The following PLEKHH1 variants were observed in gnomAD, a reference collection of about 807,000 sequenced individuals.
PLEKHH1 encodes pleckstrin homology, MyTH4 and FERM domain containing H1, also known as pleckstrin homology domain-containing family H member 1.
Under a neutral mutation model 160.0 loss-of-function variants are expected in PLEKHH1, and 104 were observed. The ratio of observed to expected loss-of-function variants is 0.65; its 90% CI spans 0.55 to 0.76. PLEKHH1 has a LOEUF of 0.76. Among genes scored for constraint, PLEKHH1 ranks in the 30% least tolerant of loss-of-function variants. The probability of loss-of-function intolerance (pLI) is 0.00; values close to 1 mark genes in which losing one functional copy is unlikely to be tolerated. For synonymous variants in PLEKHH1, 619 were observed against 678.4 expected, an observed-to-expected ratio of 0.91 and a Z score of 1.36; for missense variants, 1,427 against 1,724.1, an observed-to-expected ratio of 0.83 and a Z score of 3.05.
rs751718827 is a variant in PLEKHH1 at position 67,572,260 on chromosome 14, G to C, written c.1711G>C (p.Gly571Arg). The C allele has an allele frequency of 1.2e-6, 2 of 1,602,994 alleles. No individual in the cohort carries two copies. The highest frequency in any genetic ancestry group is 2.2e-5 in the East Asian group (1 of 44,496). ...GCGCACCTCATCCTACTCCACCGACGGGCTGGGCCTGGGCGGGGTGAGCCG... is the reference window on the plus strand; with the variant it reads ...GCGCACCTCATCCTACTCCACCGACCGGCTGGGCCTGGGCGGGGTGAGCCG... ...LQRTSSYSTDGLGLGGESLEK... is the reference protein window; with the variant it reads ...LQRTSSYSTDRLGLGGESLEK... The change falls in exon 11 of 29, where the codon GGG becomes CGG. Residue 571 changes from glycine to arginine, a missense_variant. This residue lies in a region of PLEKHH1 where 831 missense variants were observed against 929.2 expected (regional missense o/e 0.89). Coordinates refer to ENST00000329153, the MANE Select transcript of PLEKHH1 (RefSeq NM_020715.3).
chr14:67,579,816 C>T lies in PLEKHH1; in HGVS notation c.3123C>T (p.Ala1041=). Residue 1041 remains alanine (A), a synonymous_variant, in exon 22 of 29, where the codon GCC becomes GCT. Coordinates refer to ENST00000329153, the MANE Select transcript of PLEKHH1 (RefSeq NM_020715.3). The stretch of plus-strand genomic sequence containing the variant: ...GAAAGCCATCCCACTCTGGCTTTGC[C>T]CTCTTCACGGACGATCCCTCGGGCA... ...GMRKPSHSGF[A]LFTDDPSGRD... 6.2e-7 allele frequency: 1 copy of T among 1,610,148 alleles called. No individual in the cohort carries two copies. The highest frequency in any genetic ancestry group is 8.5e-7 in the Non-Finnish European group (1 of 1,178,288).
rs117185632 is a variant in PLEKHH1, at chr14:67,573,181, C to A, written c.1729-95C>A. The stretch of plus-strand genomic sequence containing the variant: ...AATAATTTTGTATTTAATTGATGAC[C>A]GAGTAGTGAGGCAGCTGGACCACTT... On this transcript the variant is annotated intron_variant, in intron 11 of 28. Coordinates refer to ENST00000329153, the MANE Select transcript of PLEKHH1 (RefSeq NM_020715.3). The surrounding 1 kb of genome is among the most constrained non-coding windows in gnomAD (Gnocchi z 4.8). The A allele has an allele frequency of 2.7e-6, 2 of 736,434 alleles. No homozygotes were observed. Among genetic ancestry groups the A allele is most frequent in the East Asian group, 2.5e-5 (1 of 39,540 alleles). The allele number at this position is 736,434 out of a possible 1,614,324, so 45.6% of individuals were successfully genotyped here.
chr14:67,572,664 TCACAATCCTCTTGGGGTCATTAGCC>T (rs2035446013), intron 11 of PLEKHH1, among the ~76,000 whole-genome samples: 1 of 152,154 alleles, frequency 6.6e-6, no homozygotes, highest in South Asian at 2.1e-4. Context: ...TCATTTGTCC[TCACAATCCTCTTGGGGTCATTAGCC>T]CATCTTATGG....
chr14:67,582,128 C>T lies in PLEKHH1; in HGVS notation c.3344C>T (p.Ser1115Phe). ...GACCGAGAACGGCTGCTCCTTGCCT[C>T]TCAAACCAGTAGAGAGATAGTGGCA... ...ETDRERLLLA[S>F]QTSREIVAGR... is the part of the protein sequence containing the mutation. The change falls in exon 24 of 29, where the codon TCT (serine) becomes TTT (phenylalanine). Residue 1115 changes from serine to phenylalanine, a missense_variant. By Grantham distance (155) the Ser-to-Phe change is radical. Around this residue, in one of 6 missense-constraint regions of PLEKHH1, gnomAD observed 436 missense variants for 607.5 expected, o/e 0.72. Coordinates refer to ENST00000329153, the MANE Select transcript of PLEKHH1 (RefSeq NM_020715.3). This position sits in a 1 kb window ranked among gnomAD's most constrained non-coding sequence, Gnocchi z 5.0. 6.2e-7 allele frequency: 1 copy of T among 1,613,718 alleles called. No homozygotes were observed. Among genetic ancestry groups the T allele is most frequent in the Non-Finnish European group, 8.5e-7 (1 of 1,179,846 alleles).
chr14:67,574,422 A>G lies in PLEKHH1; in HGVS notation c.2088+19A>G, dbSNP rs745763488. The G allele has an allele frequency of 1.3e-6, 2 of 1,504,226 alleles. No individual in the cohort carries two copies. Among genetic ancestry groups the G allele is most frequent in the South Asian group, 1.3e-5 (1 of 75,780 alleles). 93.2% of individuals were successfully genotyped at this position (1,504,226 alleles called of 1,614,324 possible). A position where few individuals can be genotyped will look rare whatever the true frequency, so the allele number is the denominator to read the frequency against. On this transcript the variant is annotated intron_variant, in intron 14 of 28. Transcript: ENST00000329153. This position sits in a 1 kb window ranked among gnomAD's most constrained non-coding sequence, Gnocchi z 4.2. ...GACCAAGGTAGAGGGTGGGGCTGATAGGGCAGGAACATGTGCCTCCTGCGA... is the reference window on the plus strand; with the variant it reads ...GACCAAGGTAGAGGGTGGGGCTGATGGGGCAGGAACATGTGCCTCCTGCGA...
Position 67,581,054 on chromosome 14 carries a change from C to T in PLEKHH1, c.3284+16C>T, listed in dbSNP as rs1476775548. The T allele has an allele frequency of 1.8e-5, 27 of 1,536,206 alleles. No homozygotes were observed. The highest frequency in any genetic ancestry group is 1.7e-4 in the Middle Eastern group (1 of 5,942). ...ACAAGAACAGGTCCTAAGCACTGCACGAGGGTGGGGCCAAACACAAGGGCT... is the reference window on the plus strand; with the variant it reads ...ACAAGAACAGGTCCTAAGCACTGCATGAGGGTGGGGCCAAACACAAGGGCT... On this transcript the variant is annotated intron_variant, in intron 23 of 28. Transcript: ENST00000329153.
intron 2 of PLEKHH1, among the ~76,000 whole-genome samples, chr14:67,550,963 T>C (rs904919114): frequency 1.3e-5 from 2 of 152,242 alleles, no homozygotes; most frequent in African/African-American, 4.8e-5. Flanking sequence ...AATGAGTTAA[T>C]GCATGTACAG....
At chr14:67,580,771 GCCACCTTGGGTC>G in intron 22 of PLEKHH1, 155 bp from the exon 23 acceptor site, 2 of 580,218 alleles carry the variant, frequency 3.4e-6, no homozygotes, top group South Asian at 4.1e-5. Flanking sequence ...GGGAGCTGCT[GCCACCTTGGGTC>G]CAGGAAGCAT....
rs1415011061 is a variant in PLEKHH1 at position 67,572,177 on chromosome 14, T to TC, written c.1634dup (p.Asp546GlyfsTer8). ...CTGAGCTCCGAGGGTGACTACGCCA[T>TC]CCCCCCGGACGCCTGCTCACTGGAC... is the stretch of plus-strand genomic sequence containing the variant. On this transcript the variant is annotated frameshift_variant, in exon 11 of 29. Transcript: ENST00000329153. LOFTEE classifies it high-confidence loss of function. 3.1e-6 allele frequency: 5 copies of TC among 1,606,130 alleles called. No homozygotes were observed. The highest frequency in any genetic ancestry group is 4.2e-6 in the Non-Finnish European group (5 of 1,176,680).
rs780212110 is a variant in PLEKHH1, at chr14:67,573,862, G to A, written c.1901G>A (p.Arg634Gln). 61 of 1,613,422 alleles carry A rather than the reference G, an allele frequency of 3.8e-5. No homozygotes were observed. In the East Asian group the frequency reaches 9.4e-4, roughly 25 times the overall value. ...CTGAACTCCCGCTGCCAAATTGTTC[G>A]AGGGGAGGGTTCACAGACGTTTCAG... ...VDLNSRCQIV[R>Q]GEGSQTFQLI... Residue 634 changes from arginine (R) to glutamine (Q), a missense_variant, in exon 13 of 29, where the codon CGA becomes CAA. Arg to Gln is a conservative substitution (Grantham distance 43). Around this residue, in one of 6 missense-constraint regions of PLEKHH1, gnomAD observed 831 missense variants for 929.2 expected, o/e 0.89. Transcript: ENST00000329153. This position sits in a 1 kb window ranked among gnomAD's most constrained non-coding sequence, Gnocchi z 4.8.
chr14:67,581,894 A>C, intron 23 of PLEKHH1, 175 bp from the exon 24 acceptor site: 1 of 612,776 alleles, frequency 1.6e-6, no homozygotes, highest in South Asian at 2.0e-5. Context: ...ATGACCCTGC[A>C]TCTGCTCTGT....
In PLEKHH1 at chr14:67,587,586, A is replaced by C. The variant is rs1285563425; in HGVS notation, c.*351A>C. The C allele has an allele frequency of 1.2e-5, 3 of 246,850 alleles. No homozygotes were observed. The highest frequency in any genetic ancestry group is 2.6e-5 in the African/African-American group (1 of 39,172). 15.3% of individuals were successfully genotyped at this position (246,850 alleles called of 1,614,324 possible). ...TGCACTGGTACTCTCAAGGAAGCTA[A>C]TTTTCTTTCTGGGGGGGGCGGGGGA... is the stretch of plus-strand genomic sequence containing the variant. On this transcript the variant is annotated 3_prime_UTR_variant, in exon 29 of 29. Coordinates refer to ENST00000329153, the MANE Select transcript of PLEKHH1 (RefSeq NM_020715.3).
In PLEKHH1 at chr14:67,588,575, G is replaced by T. The variant is rs2036265320; in HGVS notation, c.*1340G>T. ...TTCTGATTGAGTGCAGAGGAGACTA[G>T]ACAGTCTCCTCTAGACAGGTTGTAG... On this transcript the variant is annotated 3_prime_UTR_variant, in exon 29 of 29. Coordinates refer to ENST00000329153, the MANE Select transcript of PLEKHH1 (RefSeq NM_020715.3). The T allele has an allele frequency of 6.6e-6, 1 of 152,016 alleles. No individual in the cohort carries two copies. Among genetic ancestry groups the T allele is most frequent in the African/African-American group, 2.4e-5 (1 of 41,372 alleles). 9.4% of individuals were successfully genotyped at this position (152,016 alleles called of 1,614,324 possible).
chr14:67,580,117 T>C (rs2035822249), intron 22 of PLEKHH1: 1 of 459,332 alleles, frequency 2.2e-6, no homozygotes, highest in Non-Finnish European at 3.9e-6. Flanking sequence ...CTCGAGTGGC[T>C]GTGCAGCGTC....
rs1159702526 is a variant in PLEKHH1 at position 67,582,337 on chromosome 14, C to G, written c.3426+127C>G. ...TCAGGAGAGGGCAGCTTTGCCATCT[C>G]TGGGATGGAAAGCAGCTGACTTCTA... On this transcript the variant is annotated intron_variant, in intron 24 of 28. Coordinates refer to ENST00000329153, the MANE Select transcript of PLEKHH1 (RefSeq NM_020715.3). This position sits in a 1 kb window ranked among gnomAD's most constrained non-coding sequence, Gnocchi z 5.0. 6.6e-7 allele frequency: 1 copy of G among 1,511,588 alleles called. No individual in the cohort carries two copies. Among genetic ancestry groups the G allele is most frequent in the East Asian group, 2.4e-5 (1 of 41,898 alleles). The allele number at this position is 1,511,588 out of a possible 1,614,324, so 93.6% of individuals were successfully genotyped here.
In PLEKHH1 at chr14:67,587,155, G is replaced by A; in HGVS notation, c.4015G>A (p.Ala1339Thr). 1 of 1,613,960 alleles carries A rather than the reference G, an allele frequency of 6.2e-7. No homozygotes were observed. Among genetic ancestry groups the A allele is most frequent in the Non-Finnish European group, 8.5e-7 (1 of 1,179,880 alleles). The change falls in exon 29 of 29, where the codon GCC becomes ACC. Residue 1339 changes from alanine to threonine, a missense_variant. This residue lies in a region of PLEKHH1 where 96 missense variants were observed against 97.6 expected (regional missense o/e 0.98). Transcript: ENST00000329153. ...GAACCCCCCCACCAACCCACCCGGAGCCTGCCAGCTGTGGGAACTGGATGG... is the reference window on the plus strand; with the variant it reads ...GAACCCCCCCACCAACCCACCCGGAACCTGCCAGCTGTGGGAACTGGATGG... ...TVNPPTNPPG[A>T]CQLWELDGRQ...
In PLEKHH1 at chr14:67,578,122, G is replaced by A. The variant is rs773820271; in HGVS notation, c.2674G>A (p.Glu892Lys). ...TALQVCLVHP[E>K]LQSEIYCQLM... The stretch of plus-strand genomic sequence containing the variant: ...ACTGCAGGTCTGCCTGGTTCACCCC[G>A]AGCTGCAGAGTGAGATCTACTGCCA... Residue 892 changes from glutamate (E) to lysine (K), a missense_variant, in exon 19 of 29, where the codon GAG becomes AAG. Physicochemically the swap from Glu to Lys is moderately conservative, Grantham distance 56. This residue lies in a region of PLEKHH1 where 436 missense variants were observed against 607.5 expected (regional missense o/e 0.72). Coordinates refer to ENST00000329153, the MANE Select transcript of PLEKHH1 (RefSeq NM_020715.3). This position sits in a 1 kb window ranked among gnomAD's most constrained non-coding sequence, Gnocchi z 5.0. The A allele has an allele frequency of 5.0e-6, 8 of 1,613,844 alleles. No homozygotes were observed. Among genetic ancestry groups the A allele is most frequent in the Non-Finnish European group, 5.1e-6 (6 of 1,179,850 alleles).
At position 67,576,972 on chromosome 14, in the gene PLEKHH1, T is replaced by C. The variant is rs372683707; in HGVS notation, c.2462-330T>C. ...TTACTACTGCTCTGAGGCTTGTTTGTTTCTGACCAATTCATATGCCCCTCC... is the reference window on the plus strand; with the variant it reads ...TTACTACTGCTCTGAGGCTTGTTTGCTTCTGACCAATTCATATGCCCCTCC... On this transcript the variant is annotated intron_variant, in intron 17 of 28. Transcript: ENST00000329153. This position sits in a 1 kb window ranked among gnomAD's most constrained non-coding sequence, Gnocchi z 4.0. Among the ~76,000 whole-genome samples the C allele has an allele frequency of 6.6e-6, 1 of 152,124 alleles. No homozygotes were observed. The highest frequency in any genetic ancestry group is 2.1e-4 in the South Asian group (1 of 4,820).
intron 2 of PLEKHH1, among the ~76,000 whole-genome samples, chr14:67,545,366 A>T (rs978124642): frequency 6.6e-6 from 1 of 152,238 alleles, no homozygotes; most frequent in Admixed American, 6.5e-5. Context: ...TTCTATTTAT[A>T]TGAGAAAGAA....
Sources: gnomAD v4.1 joint callset for allele counts (sites outside exome capture counted in the v4.1 genomes callset) on GRCh38, gnomAD v4.1.1 for gene constraint, gnomAD v4.1.1 regional missense constraint, Gnocchi (gnomAD v3.1) non-coding constraint, MANE v1.5 for transcripts, NCBI Gene and HGNC (gene_info 2026-07-23, HGNC 2026-07-21) for gene names.